The following CD82 variants were observed in gnomAD, a reference collection of about 807,000 sequenced individuals.
CD82 encodes the protein CD82 antigen.
Under a neutral mutation model 37.4 loss-of-function variants are expected in CD82, and 36 were observed. The ratio of observed to expected loss-of-function variants is 0.96; its 90% CI spans 0.74 to 1.27. The LOEUF (loss-of-function observed/expected upper bound fraction) is 1.27. Ranked by LOEUF, CD82 falls within the 50% of genes most tolerant of loss-of-function variation. The pLI is 0.00. For missense variants in CD82, 340 were observed against 347.0 expected, an observed-to-expected ratio of 0.98 and a Z score of 0.16; for synonymous variants, 158 against 137.4, an observed-to-expected ratio of 1.15 and a Z score of -1.05.
chr11:44,595,618 G>T (rs991246581), intron 3 of CD82, among the ~76,000 whole-genome samples: 4 of 152,128 alleles, frequency 2.6e-5, no homozygotes, highest in African/African-American at 9.7e-5. Context: ...CAATGTTAAT[G>T]TTGGGATTCT....
intron 6 of CD82, among the ~76,000 whole-genome samples, chr11:44,612,428 C>T (rs1590349519): frequency 1.3e-5 from 2 of 152,108 alleles, no homozygotes; most frequent in South Asian, 2.1e-4. Flanking sequence ...AAGTGCTTAC[C>T]ACAGCACCAG....
In CD82 at chr11:44,618,185, C is replaced by T. The variant is rs750546226; in HGVS notation, c.462C>T (p.Ser154=). Residue 154 remains serine (S), a synonymous_variant, in exon 8 of 10, where the codon AGC becomes AGT. Coordinates refer to ENST00000227155, the MANE Select transcript of CD82 (RefSeq NM_002231.4). ...AGGTGAAGTGCTGCGGCTGGGTCAG[C>T]TTCTACAACTGGACAGACAACGCTG... The part of the protein sequence containing the change: ...QAQVKCCGWV[S]FYNWTDNAEL... 37 of 1,613,930 alleles carry T rather than the reference C, an allele frequency of 2.3e-5. No individual in the cohort carries two copies. In the East Asian group the frequency reaches 8.2e-4, roughly 36 times the overall value.
At chr11:44,575,697 G>C (rs898618510) in intron 1 of CD82, among the ~76,000 whole-genome samples, 4 of 152,090 alleles carry the variant, frequency 2.6e-5, no homozygotes, top group African/African-American at 9.7e-5. Flanking sequence ...TAGGAACCTT[G>C]TCCTGTTTAA....
Position 44,594,816 on chromosome 11 carries a change from C to T in CD82, c.63+91C>T, listed in dbSNP as rs561254148. On this transcript the variant is annotated intron_variant, in intron 3 of 9. Transcript: ENST00000227155. Reference sequence around the variant, plus strand: ...TGAGCCTTTCCAGAGCCGACCGGGCCGGGGATTGGGGGGATTTGGTGGGTA... The same window carrying T: ...TGAGCCTTTCCAGAGCCGACCGGGCTGGGGATTGGGGGGATTTGGTGGGTA... 1.2e-4 allele frequency: 130 copies of T among 1,093,380 alleles called. No homozygotes were observed. The East Asian group carries it at 2.1e-3, about 18-fold the overall frequency. 67.7% of individuals were successfully genotyped at this position (1,093,380 alleles called of 1,614,324 possible).
At chr11:44,619,005 C>A (rs770993959) in intron 9 of CD82, 44 bp from the exon 10 acceptor site, 1 of 1,545,560 alleles carries the variant, frequency 6.5e-7, no homozygotes, top group East Asian at 2.2e-5. Flanking sequence ...GCGTCTGAGG[C>A]CGGGACACCC....
intron 7 of CD82, among the ~76,000 whole-genome samples, chr11:44,617,604 T>TTTTTCAC (rs1320033198): frequency 6.6e-6 from 1 of 151,116 alleles, no homozygotes; most frequent in Non-Finnish European, 1.5e-5. Flanking sequence ...CCCCGTCTCC[T>TTTTTCAC]TTTTCACTTT....
At chr11:44,607,019 C>T (rs566246502) in intron 6 of CD82, 1 of 152,306 alleles carries the variant, frequency 6.6e-6, no homozygotes, top group African/African-American at 2.4e-5. Context: ...TGCACATGGC[C>T]TGTGGCCTAG....
chr11:44,604,786 A>G (rs371840767), intron 4 of CD82: 4 of 493,912 alleles, frequency 8.1e-6, no homozygotes, highest in African/African-American at 7.8e-5. Flanking sequence ...AATGTAGTCT[A>G]TTCAATCCTG....
At position 44,600,235 on chromosome 11, in the gene CD82, G is replaced by A; in HGVS notation, c.136+5G>A. ...GCAGTTTCATCTCTGTCCTGCGTAA[G>A]GACCCCTCAGCTTCCCCAGACCCAG... On this transcript the variant is annotated splice_donor_5th_base_variant and intron_variant, in intron 4 of 9. Transcript: ENST00000227155. The A allele has an allele frequency of 6.2e-7, 1 of 1,613,960 alleles. No individual in the cohort carries two copies. Among genetic ancestry groups the A allele is most frequent in the African/African-American group, 1.3e-5 (1 of 75,058 alleles).
At chr11:44,618,942 C>T in intron 9 of CD82, 107 bp from the exon 10 acceptor site, 1 of 1,054,002 alleles carries the variant, frequency 9.5e-7, no homozygotes, top group Admixed American at 1.8e-5. Flanking sequence ...GGTTGTGAGG[C>T]TCAAGTTGAG....
chr11:44,609,416 G>C (rs1394913740), intron 6 of CD82, among the ~76,000 whole-genome samples: 1 of 152,084 alleles, frequency 6.6e-6, no homozygotes, highest in African/African-American at 2.4e-5. Context: ...GGAGGCCCCT[G>C]AGGCTCTGAG....
chr11:44,571,143 G>T (rs1385662635), intron 1 of CD82, among the ~76,000 whole-genome samples: 1 of 152,234 alleles, frequency 6.6e-6, no homozygotes, highest in Non-Finnish European at 1.5e-5. Context: ...TGCCCTGGTA[G>T]TTGGGCATTA....
At chr11:44,567,782 A>C (rs1357289283) in intron 1 of CD82, among the ~76,000 whole-genome samples, 3 of 152,212 alleles carry the variant, frequency 2.0e-5, no homozygotes, top group Non-Finnish European at 4.4e-5. Context: ...AGGGGCTTAC[A>C]CAAGAATACC....
intron 6 of CD82, among the ~76,000 whole-genome samples, chr11:44,612,533 G>T (rs981852017): frequency 7.8e-6 from 1 of 127,968 alleles, no homozygotes; most frequent in South Asian, 2.3e-4. Flanking sequence ...TCTGTATAAG[G>T]GCTTTTTTTT....
chr11:44,566,677 G>A (rs1203045297), intron 1 of CD82, among the ~76,000 whole-genome samples: 2 of 152,208 alleles, frequency 1.3e-5, no homozygotes, highest in Non-Finnish European at 2.9e-5. Flanking sequence ...GCACTAAATA[G>A]AATAATGTGT....
chr11:44,615,876 A>G (rs751212938), intron 7 of CD82, among the ~76,000 whole-genome samples: 2 of 152,184 alleles, frequency 1.3e-5, no homozygotes, highest in African/African-American at 4.8e-5. Context: ...CCATTAGTTC[A>G]TGTGTATTAT....
chr11:44,565,176 G>T (rs1349967143), upstream of CD82, among the ~76,000 whole-genome samples: 4 of 152,246 alleles, frequency 2.6e-5, no homozygotes, highest in African/African-American at 9.6e-5. Context: ...GGCAGGGCAG[G>T]ATTAGGAAGG....
intron 3 of CD82, among the ~76,000 whole-genome samples, chr11:44,595,916 A>AG (rs1411722266): frequency 1.3e-5 from 2 of 149,854 alleles, no homozygotes; most frequent in African/African-American, 5.0e-5. Flanking sequence ...TACAAAAAAA[A>AG]AAAAAAAAAA....
At chr11:44,600,087 T>C in intron 3 of CD82, 71 bp from the exon 4 acceptor site, 4 of 1,520,862 alleles carry the variant, frequency 2.6e-6, no homozygotes, top group Non-Finnish European at 3.6e-6. Flanking sequence ...TGACTTGGGT[T>C]CCAGGGACAG....
Sources: allele counts gnomAD v4.1 joint callset (sites outside exome capture counted in the v4.1 genomes callset), GRCh38; gene constraint gnomAD v4.1.1; transcripts MANE v1.5; gene names NCBI Gene and HGNC (gene_info 2026-07-23, HGNC 2026-07-21).